RIMS1: variants seen among roughly 807,000 people sequenced by gnomAD.
RIMS1 encodes the protein regulating synaptic membrane exocytosis 1, also known as regulating synaptic membrane exocytosis protein 1.
RIMS1 carries 83 observed loss-of-function variants against 214.1 expected under a neutral mutation model. The ratio of observed to expected loss-of-function variants is 0.39; its 90% CI spans 0.32 to 0.47. RIMS1 has a LOEUF of 0.47. Among genes scored for constraint, RIMS1 ranks in the 20% least tolerant of loss-of-function variants. The probability of loss-of-function intolerance (pLI) is 0.99; values close to 1 mark genes in which losing one functional copy is unlikely to be tolerated. For missense variants in RIMS1, 2,050 were observed against 2,161.8 expected (o/e 0.95, Z 1.03); for synonymous variants, 793 against 786.8 (o/e 1.01, Z -0.13).
At chr6:72,130,581 A>G (rs1231112063) in intron 4 of RIMS1, among the ~76,000 whole-genome samples, 1 of 152,154 alleles carries the variant, frequency 6.6e-6, no homozygotes, top group East Asian at 1.9e-4. Flanking sequence ...CTATTATGGT[A>G]GCAGCAAGAT....
chr6:71,916,016 C>T (rs374309904), intron 1 of RIMS1, among the ~76,000 whole-genome samples: 10 of 152,012 alleles, frequency 6.6e-5, no homozygotes, highest in Admixed American at 3.3e-4. Flanking sequence ...TACCTCCCAC[C>T]GGGTCCATCC....
chr6:72,228,147 T>C (rs2154070354), intron 6 of RIMS1, among the ~76,000 whole-genome samples: 1 of 152,076 alleles, frequency 6.6e-6, no homozygotes, highest in Admixed American at 6.6e-5. Context: ...ATTATCTTTT[T>C]TGTAATAAGA....
intron 4 of RIMS1, among the ~76,000 whole-genome samples, chr6:72,117,420 T>G (rs1312371873): frequency 1.3e-5 from 2 of 152,028 alleles, no homozygotes; most frequent in Non-Finnish European, 2.9e-5. Context: ...CTATTGTTTC[T>G]TTGTTGACTT....
rs2098837897 is a variant in RIMS1 at position 72,401,973 on chromosome 6, A to T, written c.*1259A>T. ...TAAACAAAATGAACTTTCAATTTGC[A>T]TTTTCATTTAGTTTCTCTTGGCCTT... On this transcript the variant is annotated 3_prime_UTR_variant, in exon 34 of 34. Coordinates refer to ENST00000521978, the MANE Select transcript of RIMS1 (RefSeq NM_014989.7). 1 of 152,576 alleles carries T rather than the reference A, an allele frequency of 6.6e-6. No homozygotes were observed. The highest frequency in any genetic ancestry group is 2.4e-5 in the African/African-American group (1 of 41,450). The allele number at this position is 152,576 out of a possible 1,614,324, so 9.5% of individuals were successfully genotyped here.
intron 2 of RIMS1, among the ~76,000 whole-genome samples, chr6:72,035,414 C>G (rs923969870): frequency 6.6e-6 from 1 of 152,008 alleles, no homozygotes; most frequent in Non-Finnish European, 1.5e-5. Context: ...GCAAAACATT[C>G]AATGCTTTGT....
chr6:72,297,738 G>A (rs561375587), intron 26 of RIMS1, among the ~76,000 whole-genome samples: 4 of 151,980 alleles, frequency 2.6e-5, no homozygotes, highest in African/African-American at 9.7e-5. Flanking sequence ...AGAATGCTGC[G>A]CCTCTCCTTA....
chr6:72,054,594 T>C (rs905796330), intron 2 of RIMS1, among the ~76,000 whole-genome samples: 1 of 152,186 alleles, frequency 6.6e-6, no homozygotes, highest in Non-Finnish European at 1.5e-5. Context: ...ATCTATTGTT[T>C]CTTGACTTTT....
At chr6:72,111,959 G>A (rs2036175904) in intron 4 of RIMS1, among the ~76,000 whole-genome samples, 1 of 152,136 alleles carries the variant, frequency 6.6e-6, no homozygotes, top group South Asian at 2.1e-4. Context: ...ACAGTGAGGA[G>A]ACCACCAAAG....
intron 29 of RIMS1, among the ~76,000 whole-genome samples, chr6:72,336,678 T>A (rs963353573): frequency 6.6e-6 from 1 of 151,814 alleles, no homozygotes; most frequent in Non-Finnish European, 1.5e-5. Context: ...TGCTTCTCTT[T>A]CTACATAATA....
chr6:72,152,801 A>G (rs188724622), intron 4 of RIMS1, among the ~76,000 whole-genome samples: 1 of 76,376 alleles, frequency 1.3e-5, no homozygotes, highest in Non-Finnish European at 2.4e-5. Context: ...GAATATATGT[A>G]TATATATGTA....
At chr6:72,134,615 T>G (rs2040975339) in intron 4 of RIMS1, among the ~76,000 whole-genome samples, 1 of 152,096 alleles carries the variant, frequency 6.6e-6, no homozygotes, top group South Asian at 2.1e-4. Flanking sequence ...GAGGCAATAA[T>G]ATTCTCTACT....
intron 6 of RIMS1, among the ~76,000 whole-genome samples, chr6:72,197,952 A>G (rs949161053): frequency 6.6e-6 from 1 of 152,144 alleles, no homozygotes; most frequent in Non-Finnish European, 1.5e-5. Context: ...CAGGTCATAT[A>G]CAAAAAAGAG....
intron 6 of RIMS1, among the ~76,000 whole-genome samples, chr6:72,186,081 T>A (rs1254701027): frequency 6.6e-6 from 1 of 152,260 alleles, no homozygotes. Flanking sequence ...TAATTGACTG[T>A]TTATGCTATC....
intron 1 of RIMS1, among the ~76,000 whole-genome samples, chr6:71,946,224 C>A (rs1787767654): frequency 6.6e-6 from 1 of 152,144 alleles, no homozygotes; most frequent in Non-Finnish European, 1.5e-5. Flanking sequence ...TTTACAGATT[C>A]AATGCAATCC....
chr6:72,181,788 T>C (rs1297804956), intron 5 of RIMS1, among the ~76,000 whole-genome samples: 1 of 152,198 alleles, frequency 6.6e-6, no homozygotes, highest in Non-Finnish European at 1.5e-5. Flanking sequence ...GACCGTATTT[T>C]GTACTGTCAA....
chr6:72,233,782 A>T lies in RIMS1; in HGVS notation c.1688A>T (p.Asp563Val). 6.4e-7 allele frequency: 1 copy of T among 1,572,206 alleles called. No individual in the cohort carries two copies. Among genetic ancestry groups the T allele is most frequent in the South Asian group, 1.2e-5 (1 of 85,756 alleles). Residue 563 changes from aspartate (D) to valine (V), a missense_variant, in exon 7 of 34, where the codon GAT (aspartate) becomes GTT (valine). This residue lies in a region of RIMS1 where 882 missense variants were observed against 828.9 expected (regional missense o/e 1.06). Transcript: ENST00000521978. The stretch of plus-strand genomic sequence containing the variant: ...TTTTTGTATTGCACAGGTGATTTGG[A>T]TTATTACTGGTTGGATCCTGCCACG... ...SESVSEKGDL[D>V]YYWLDPATWH...
At chr6:72,090,832 A>G (rs200054086) in intron 2 of RIMS1, among the ~76,000 whole-genome samples, 1 of 152,236 alleles carries the variant, frequency 6.6e-6, no homozygotes, top group Non-Finnish European at 1.5e-5. Flanking sequence ...CTACTAGACT[A>G]GCAAAACATT....
chr6:72,124,300 C>T (rs1263818979), intron 4 of RIMS1, among the ~76,000 whole-genome samples: 1 of 151,716 alleles, frequency 6.6e-6, no homozygotes. Context: ...GAATATTGGC[C>T]CCCACTCTCT....
At chr6:72,063,867 G>A (rs1828557935) in intron 2 of RIMS1, among the ~76,000 whole-genome samples, 1 of 152,194 alleles carries the variant, frequency 6.6e-6, no homozygotes, top group South Asian at 2.1e-4. Flanking sequence ...CAAGAAGTCT[G>A]GGATTGAAGT....
Sources: gnomAD v4.1 joint callset for allele counts (sites outside exome capture counted in the v4.1 genomes callset) on GRCh38, gnomAD v4.1.1 for gene constraint, gnomAD v4.1.1 regional missense constraint, MANE v1.5 for transcripts, NCBI Gene and HGNC (gene_info 2026-07-23, HGNC 2026-07-21) for gene names.